INHBC: variants seen among roughly 807,000 people sequenced by gnomAD.
INHBC encodes the protein inhibin subunit beta C, also known as inhibin beta C chain.
Under a neutral mutation model 12.4 loss-of-function variants are expected in INHBC, and 10 were observed. The ratio of observed to expected loss-of-function variants is 0.81; its 90% confidence interval spans 0.50 to 1.37. The LOEUF (loss-of-function observed/expected upper bound fraction) is 1.37, where lower values mean the gene tolerates loss of function less well. Among genes scored for constraint, INHBC ranks in the 40% most tolerant of loss-of-function variants. INHBC has a pLI of 0.00. For missense variants in INHBC, 382 were observed against 439.4 expected (o/e 0.87, Z 1.17); for synonymous variants, 147 against 171.6 (o/e 0.86, Z 1.12).
At chr12:57,447,056 A>G (rs1870593565) in intron 1 of INHBC, among the ~76,000 whole-genome samples, 1 of 152,364 alleles carries the variant, frequency 6.6e-6, no homozygotes, top group African/African-American at 2.4e-5. Flanking sequence ...TAAGATGTTC[A>G]GTAAGGAAGG....
At chr12:57,436,656 A>G in intron 1 of INHBC, among the ~76,000 whole-genome samples, 1 of 147,480 alleles carries the variant, frequency 6.8e-6, no homozygotes, top group East Asian at 2.0e-4. Context: ...AATTTTTTTT[A>G]TTTTTTATTT....
At chr12:57,441,244 C>T (rs1350591151) in intron 1 of INHBC, among the ~76,000 whole-genome samples, 1 of 151,534 alleles carries the variant, frequency 6.6e-6, no homozygotes, top group African/African-American at 2.4e-5. Context: ...ATCCCAGCTA[C>T]CCGGGAGGCT....
intron 1 of INHBC, among the ~76,000 whole-genome samples, chr12:57,448,464 G>A (rs925293691): frequency 2.0e-5 from 3 of 151,702 alleles, no homozygotes; most frequent in African/African-American, 7.3e-5. Flanking sequence ...AGCTATTCAG[G>A]AGGCTGAGGC....
chr12:57,447,892 A>ATATATATATATATATATAT (rs1381612717), intron 1 of INHBC, among the ~76,000 whole-genome samples: 1 of 19,882 alleles, frequency 5.0e-5, no homozygotes, highest in Non-Finnish European at 1.1e-4. Context: ...AAAAAAAAAA[A>ATATATATATATATATATAT]ATATATATAT....
chr12:57,445,098 GAA>G (rs1349911365), intron 1 of INHBC, among the ~76,000 whole-genome samples: 1 of 152,230 alleles, frequency 6.6e-6, no homozygotes, highest in Non-Finnish European at 1.5e-5. Flanking sequence ...ACATTCCAGG[GAA>G]AGAGACTAGC....
chr12:57,434,794 C>T lies in INHBC; in HGVS notation c.-93C>T. The T allele has an allele frequency of 8.2e-7, 1 of 1,214,428 alleles. No homozygotes were observed. Among genetic ancestry groups the T allele is most frequent in the East Asian group, 2.4e-5 (1 of 41,390 alleles). 75.2% of individuals were successfully genotyped at this position (1,214,428 alleles called of 1,614,324 possible). On this transcript the variant is annotated 5_prime_UTR_variant, in exon 1 of 2. Coordinates refer to ENST00000309668, the MANE Select transcript of INHBC (RefSeq NM_005538.4). Reference sequence around the variant, plus strand: ...ATGCCAGCTGGACACACACTTCTTCCAGGGCCTCTGGCAGCCAGGACAGAG... The same window carrying T: ...ATGCCAGCTGGACACACACTTCTTCTAGGGCCTCTGGCAGCCAGGACAGAG...
At position 57,450,929 on chromosome 12, in the gene INHBC, T is replaced by A. The variant is rs557163390; in HGVS notation, c.*907T>A. 1 of 152,302 alleles carries A rather than the reference T, an allele frequency of 6.6e-6. No individual in the cohort carries two copies. Among genetic ancestry groups the A allele is most frequent in the Admixed American group, 6.5e-5 (1 of 15,302 alleles). 9.4% of individuals were successfully genotyped at this position (152,302 alleles called of 1,614,324 possible). On this transcript the variant is annotated 3_prime_UTR_variant, in exon 2 of 2. Transcript: ENST00000309668. ...TCCCTTAACTCTGCCTATACCTCTG[T>A]AAATAATTCCTTCACTAAGTTCTCT...
rs1174163769 is a variant in INHBC, at chr12:57,451,549, G to A, written c.*1527G>A. On this transcript the variant is annotated 3_prime_UTR_variant, in exon 2 of 2. Coordinates refer to ENST00000309668, the MANE Select transcript of INHBC (RefSeq NM_005538.4). ...CTGGACAGTCCTGAACCATGAGGTCGATAATGTCTGCAGCCCAAGGCCGAG... is the reference window on the plus strand; with the variant it reads ...CTGGACAGTCCTGAACCATGAGGTCAATAATGTCTGCAGCCCAAGGCCGAG... Among the ~76,000 whole-genome samples, 3 of 152,184 alleles carry A rather than the reference G, an allele frequency of 2.0e-5. No individual in the cohort carries two copies. Among genetic ancestry groups the A allele is most frequent in the Non-Finnish European group, 2.9e-5 (2 of 68,042 alleles).
At chr12:57,438,901 C>T (rs1172890863) in intron 1 of INHBC, among the ~76,000 whole-genome samples, 1 of 152,150 alleles carries the variant, frequency 6.6e-6, no homozygotes, top group African/African-American at 2.4e-5. Context: ...AGGTGAGGCT[C>T]CTCTGGTACA....
intron 1 of INHBC, among the ~76,000 whole-genome samples, chr12:57,437,548 G>A (rs1167905297): frequency 2.6e-5 from 4 of 151,290 alleles, no homozygotes; most frequent in African/African-American, 9.7e-5. Context: ...GCAGGCGCCT[G>A]TAGTCCCAGC....
chr12:57,434,804 G>A lies in INHBC; in HGVS notation c.-83G>A. ...GACACACACTTCTTCCAGGGCCTCT[G>A]GCAGCCAGGACAGAGTTGAGACCAC... On this transcript the variant is annotated 5_prime_UTR_variant, in exon 1 of 2. Transcript: ENST00000309668. 7.5e-7 allele frequency: 1 copy of A among 1,332,806 alleles called. No individual in the cohort carries two copies. The highest frequency in any genetic ancestry group is 2.4e-5 in the East Asian group (1 of 42,504). The allele number at this position is 1,332,806 out of a possible 1,614,324, so 82.6% of individuals were successfully genotyped here. A position where few individuals can be genotyped will look rare whatever the true frequency, so the allele number is the denominator to read the frequency against.
At position 57,451,463 on chromosome 12, in the gene INHBC, G is replaced by C. The variant is rs972748552; in HGVS notation, c.*1441G>C. On this transcript the variant is annotated 3_prime_UTR_variant, in exon 2 of 2. Coordinates refer to ENST00000309668, the MANE Select transcript of INHBC (RefSeq NM_005538.4). ...CCTGGATGAGGAGAGGGTGGCATTTGCTCTGAGACTGGGTCCTTTTTAGAC... is the reference window on the plus strand; with the variant it reads ...CCTGGATGAGGAGAGGGTGGCATTTCCTCTGAGACTGGGTCCTTTTTAGAC... Among the ~76,000 whole-genome samples the C allele has an allele frequency of 6.6e-6, 1 of 152,202 alleles. No individual in the cohort carries two copies. The highest frequency in any genetic ancestry group is 1.5e-5 in the Non-Finnish European group (1 of 68,048).
Position 57,435,893 on chromosome 12 carries a change from C to T in INHBC, c.313+694C>T, listed in dbSNP as rs1015550703. ...ACGGAGTCTTGCTCTGTCACCCAGGCTGGAGTGCAGTGGCGTGATCTCGGC... is the reference window on the plus strand; with the variant it reads ...ACGGAGTCTTGCTCTGTCACCCAGGTTGGAGTGCAGTGGCGTGATCTCGGC... On this transcript the variant is annotated intron_variant, in intron 1 of 1. Transcript: ENST00000309668. Among the ~76,000 whole-genome samples, 11 of 151,660 alleles carry T rather than the reference C, an allele frequency of 7.3e-5. No homozygotes were observed. The South Asian group carries it at 1.2e-3, about 17-fold the overall frequency.
intron 1 of INHBC, among the ~76,000 whole-genome samples, chr12:57,438,421 C>G (rs1870393516): frequency 6.6e-6 from 1 of 152,120 alleles, no homozygotes; most frequent in Non-Finnish European, 1.5e-5. Flanking sequence ...GCTCCACTTC[C>G]TAATACCATC....
chr12:57,440,332 CTTT>C (rs34888207), intron 1 of INHBC, among the ~76,000 whole-genome samples: 25 of 117,430 alleles, frequency 2.1e-4, no homozygotes, highest in African/African-American at 6.6e-4. Context: ...TGAACAGTGC[CTTT>C]TTTTTTTTTT....
Position 57,449,656 on chromosome 12 carries a change from C to T in INHBC, c.693C>T (p.His231=). Residue 231 remains histidine, a synonymous_variant, in exon 2 of 2, where the codon CAC becomes CAT. Coordinates refer to ENST00000309668, the MANE Select transcript of INHBC (RefSeq NM_005538.4). ...CCCGGGTGAGAGTTGGGGGCAAACACCAGATTCACCGACGAGGCATCGACT... is the reference window on the plus strand; with the variant it reads ...CCCGGGTGAGAGTTGGGGGCAAACATCAGATTCACCGACGAGGCATCGACT... ...VAARVRVGGK[H]QIHRRGIDCQ... 1.2e-6 allele frequency: 2 copies of T among 1,614,228 alleles called. No individual in the cohort carries two copies. Among genetic ancestry groups the T allele is most frequent in the Non-Finnish European group, 1.7e-6 (2 of 1,180,038 alleles).
intron 1 of INHBC, among the ~76,000 whole-genome samples, chr12:57,436,347 T>C (rs1870336654): frequency 6.7e-6 from 1 of 149,378 alleles, no homozygotes; most frequent in African/African-American, 2.5e-5. Flanking sequence ...GTATTTTTAG[T>C]AGAGATGGGA....
In INHBC at chr12:57,451,064, T is replaced by A. The variant is rs193093113; in HGVS notation, c.*1042T>A. On this transcript the variant is annotated 3_prime_UTR_variant, in exon 2 of 2. Transcript: ENST00000309668. ...TGCTTATGCTGTAGTCTGCCTACTC[T>A]GCTGTCTCTTCACATGGTCTCCTCA... Among the ~76,000 whole-genome samples the A allele has an allele frequency of 2.6e-5, 4 of 152,356 alleles. No homozygotes were observed. The highest frequency in any genetic ancestry group is 2.0e-4 in the Admixed American group (3 of 15,304).
At chr12:57,438,899 C>G (rs1308713652) in intron 1 of INHBC, among the ~76,000 whole-genome samples, 1 of 152,150 alleles carries the variant, frequency 6.6e-6, no homozygotes, top group Non-Finnish European at 1.5e-5. Context: ...ATAGGTGAGG[C>G]TCCTCTGGTA....
Sources: allele counts gnomAD v4.1 joint callset (sites outside exome capture counted in the v4.1 genomes callset), GRCh38; gene constraint gnomAD v4.1.1; transcripts MANE v1.5; gene names NCBI Gene and HGNC (gene_info 2026-07-23, HGNC 2026-07-21).